Variants in GALNT13 observed in about 807,000 individuals in gnomAD.
GALNT13 encodes the protein UDP-GalNAc:polypeptide N-acetylgalactosaminyltransferase 13.
A neutral mutation model predicts 64.2 loss-of-function variants in GALNT13; 28 were observed. That is an observed-to-expected ratio of 0.44 (90% CI 0.32 to 0.60). The LOEUF (loss-of-function observed/expected upper bound fraction) is 0.60, where lower values mean the gene tolerates loss of function less well. Ranked by LOEUF, GALNT13 falls within the 20% of genes least tolerant of loss-of-function variation. The pLI is 0.05. For synonymous variants in GALNT13, 214 were observed against 224.6 expected, an observed-to-expected ratio of 0.95 and a Z score of 0.42; for missense variants, 577 against 669.8, an observed-to-expected ratio of 0.86 and a Z score of 1.53.
chr2:153,622,215 AACAC>A, the GALNT13 span, among the ~76,000 whole-genome samples: 1 of 152,000 alleles, frequency 6.6e-6, no homozygotes, highest in African/African-American at 2.4e-5. Context: ...AGTTCTCTCT[AACAC>A]ACACACATAC....
chr2:154,152,888 A>T (rs1222505255), intron 4 of GALNT13, among the ~76,000 whole-genome samples: 1 of 152,104 alleles, frequency 6.6e-6, no homozygotes, highest in Non-Finnish European at 1.5e-5. Flanking sequence ...TTCCTCCTGT[A>T]GGTTGGAGTA....
At chr2:153,601,905 T>C in the GALNT13 span, among the ~76,000 whole-genome samples, 1 of 151,930 alleles carries the variant, frequency 6.6e-6, no homozygotes, top group Non-Finnish European at 1.5e-5. Flanking sequence ...GTTATCCCTA[T>C]GTAGTCAAAT....
chr2:154,324,171 T>C (rs78251378), intron 9 of GALNT13, among the ~76,000 whole-genome samples: 1 of 151,942 alleles, frequency 6.6e-6, no homozygotes, highest in Non-Finnish European at 1.5e-5. Flanking sequence ...CTCGATTTTG[T>C]TGAAATTGAT....
At chr2:153,147,410 T>A in the GALNT13 span, among the ~76,000 whole-genome samples, 4 of 151,956 alleles carry the variant, frequency 2.6e-5, no homozygotes, top group African/African-American at 7.2e-5. Flanking sequence ...CTGCTTTACC[T>A]TGTTTCTCTC....
chr2:154,197,624 G>T (rs188747346), intron 4 of GALNT13, among the ~76,000 whole-genome samples: 11 of 151,744 alleles, frequency 7.2e-5, no homozygotes, highest in African/African-American at 2.7e-4. Flanking sequence ...GGATAAAAAA[G>T]AAAAATTTTT....
the GALNT13 span, among the ~76,000 whole-genome samples, chr2:153,152,692 G>C: frequency 6.6e-6 from 1 of 152,042 alleles, no homozygotes; most frequent in African/African-American, 2.4e-5. Context: ...GTTTGCTAAG[G>C]ATAATGGCCT....
At chr2:153,166,253 T>C in the GALNT13 span, among the ~76,000 whole-genome samples, 4 of 152,168 alleles carry the variant, frequency 2.6e-5, no homozygotes, top group Non-Finnish European at 4.4e-5. Context: ...TTCTAATCAA[T>C]ACAATAGAGC....
chr2:153,401,662 T>A, the GALNT13 span, among the ~76,000 whole-genome samples: 1 of 150,538 alleles, frequency 6.6e-6, no homozygotes, highest in South Asian at 2.1e-4. Flanking sequence ...GTTGAATTGA[T>A]CCCTTTACCA....
chr2:153,777,776 T>C, the GALNT13 span, among the ~76,000 whole-genome samples: 2 of 152,166 alleles, frequency 1.3e-5, no homozygotes, highest in African/African-American at 4.8e-5. Flanking sequence ...TTACAGCTCC[T>C]GAAGCCCCAG....
the GALNT13 span, among the ~76,000 whole-genome samples, chr2:153,403,711 C>CT: frequency 2.0e-5 from 3 of 152,196 alleles, no homozygotes; most frequent in Non-Finnish European, 4.4e-5. Context: ...TCCGTCACCC[C>CT]TTTTTTTGAC....
At chr2:153,206,802 C>G in the GALNT13 span, among the ~76,000 whole-genome samples, 2 of 151,950 alleles carry the variant, frequency 1.3e-5, no homozygotes, top group Non-Finnish European at 2.9e-5. Flanking sequence ...AATTTCTGTA[C>G]CTTCTTTAAA....
At chr2:153,594,768 T>C in the GALNT13 span, among the ~76,000 whole-genome samples, 1 of 152,174 alleles carries the variant, frequency 6.6e-6, no homozygotes, top group African/African-American at 2.4e-5. Context: ...ACAATAGTTT[T>C]ACAAGTTAAA....
the GALNT13 span, among the ~76,000 whole-genome samples, chr2:153,451,636 C>T: frequency 4.6e-5 from 7 of 152,178 alleles, no homozygotes; most frequent in East Asian, 1.9e-4. Flanking sequence ...CCAAAACTAG[C>T]GTTTTACAGT....
chr2:154,169,736 T>C lies in GALNT13; in HGVS notation c.311+29231T>C, dbSNP rs532538969. Among the ~76,000 whole-genome samples the C allele has an allele frequency of 5.9e-5, 9 of 152,244 alleles. No homozygotes were observed. In the East Asian group the frequency reaches 1.4e-3, roughly 23 times the overall value. ...CTCACTGGCAGCACTCCGGGTAAGT[T>C]TGGTAATAAGTTACTTAATGGTGGA... is the stretch of plus-strand genomic sequence containing the variant. On this transcript the variant is annotated intron_variant, in intron 4 of 12. Coordinates refer to ENST00000392825, the MANE Select transcript of GALNT13 (RefSeq NM_052917.4).
chr2:154,038,416 A>G (rs1698786973), intron 3 of GALNT13, among the ~76,000 whole-genome samples: 1 of 152,132 alleles, frequency 6.6e-6, no homozygotes, highest in Non-Finnish European at 1.5e-5. Flanking sequence ...ATAAAAACAG[A>G]CACATAGACC....
chr2:154,160,516 C>T (rs10168980), intron 4 of GALNT13, among the ~76,000 whole-genome samples: 30,471 of 152,070 alleles, frequency 0.2, 3,985 homozygotes, highest in Middle Eastern at 0.32. Context: ...TTTCCCTACT[C>T]AGCCCTTATA....
chr2:153,468,207 T>C, the GALNT13 span, among the ~76,000 whole-genome samples: 1 of 151,992 alleles, frequency 6.6e-6, no homozygotes, highest in Non-Finnish European at 1.5e-5. Context: ...CAAAAATCAT[T>C]GAATCATGGA....
At position 154,320,848 on chromosome 2, in the gene GALNT13, G is replaced by A. The variant is rs113737760; in HGVS notation, c.1156+19259G>A. ...AACCTAATCATCCAAAATGCTAATT[G>A]ACAATGAACTTTATCCCAAATCAGA... On this transcript the variant is annotated intron_variant, in intron 9 of 12. Coordinates refer to ENST00000392825, the MANE Select transcript of GALNT13 (RefSeq NM_052917.4). 2.9e-3 allele frequency among the ~76,000 whole-genome samples: 439 copies of A among 152,244 alleles called. 2 individuals are homozygous for A. The highest frequency in any genetic ancestry group is 4.2e-3 in the Non-Finnish European group (286 of 68,008).
At chr2:153,588,812 T>A in the GALNT13 span, among the ~76,000 whole-genome samples, 71 of 152,346 alleles carry the variant, frequency 4.7e-4, 1 homozygote, top group African/African-American at 1.7e-3. Context: ...GTGCTTCCCT[T>A]ATAAAACTGA....
Sources: gnomAD v4.1 joint callset for allele counts (sites outside exome capture counted in the v4.1 genomes callset) on GRCh38, gnomAD v4.1.1 for gene constraint, MANE v1.5 for transcripts, NCBI Gene and HGNC (gene_info 2026-07-23, HGNC 2026-07-21) for gene names.